Variants in ABCC1 observed in about 807,000 individuals in gnomAD.
ABCC1 encodes ATP binding cassette subfamily C member 1 (ABCC1 blood group).
Under a neutral mutation model 172.9 loss-of-function variants are expected in ABCC1, and 83 were observed. That is an observed-to-expected ratio of 0.48 (90% CI 0.40 to 0.58). ABCC1 has a LOEUF of 0.58. Ranked by LOEUF, ABCC1 falls within the 20% of genes least tolerant of loss-of-function variation. The probability of loss-of-function intolerance (pLI) is 0.00; values close to 1 mark genes in which losing one functional copy is unlikely to be tolerated. For synonymous variants in ABCC1, 937 were observed against 825.2 expected, an observed-to-expected ratio of 1.14 and a Z score of -2.32; for missense variants, 1,817 against 2,002.7, an observed-to-expected ratio of 0.91 and a Z score of 1.77.
At chr16:16,038,967 C>A (rs2048858891) in intron 7 of ABCC1, among the ~76,000 whole-genome samples, 1 of 152,172 alleles carries the variant, frequency 6.6e-6, no homozygotes, top group Non-Finnish European at 1.5e-5. Flanking sequence ...CCTCCACTGG[C>A]CTGGCTCTTA....
chr16:16,032,352 T>C (rs1169014054), intron 5 of ABCC1, among the ~76,000 whole-genome samples: 1 of 152,228 alleles, frequency 6.6e-6, no homozygotes, highest in Non-Finnish European at 1.5e-5. Context: ...AATAAGGTAG[T>C]TTGTGTAAAG....
chr16:16,082,822 A>AT (rs1337599947), intron 16 of ABCC1, among the ~76,000 whole-genome samples: 2 of 151,616 alleles, frequency 1.3e-5, no homozygotes, highest in Admixed American at 6.6e-5. Context: ...TAATTTTTCT[A>AT]TTTTTTTTAG....
chr16:16,104,688 G>C (rs912695311), intron 20 of ABCC1, among the ~76,000 whole-genome samples: 1 of 152,208 alleles, frequency 6.6e-6, no homozygotes, highest in Non-Finnish European at 1.5e-5. Context: ...GCCCTTGGGC[G>C]GTGGAAGGGA....
chr16:16,013,270 G>T (rs371130398), intron 3 of ABCC1, among the ~76,000 whole-genome samples: 2 of 145,798 alleles, frequency 1.4e-5, no homozygotes, highest in Non-Finnish European at 3.0e-5. Flanking sequence ...GCCAGCACAT[G>T]TTTTTTTTTT....
chr16:16,013,562 A>AT (rs10712722), intron 3 of ABCC1, among the ~76,000 whole-genome samples: 131 of 150,012 alleles, frequency 8.7e-4, no homozygotes, highest in South Asian at 5.7e-3. Context: ...CACCTGGCTG[A>AT]TTTTTTTTTT....
intron 1 of ABCC1, among the ~76,000 whole-genome samples, chr16:15,955,204 AAATTAGCC>A (rs1433558634): frequency 6.6e-6 from 1 of 152,074 alleles, no homozygotes; most frequent in Admixed American, 6.6e-5. Flanking sequence ...AAAAATACAA[AAATTAGCC>A]GAGCCTGGTG....
intron 23 of ABCC1, among the ~76,000 whole-genome samples, chr16:16,115,440 C>T (rs1371853721): frequency 1.3e-5 from 2 of 152,072 alleles, no homozygotes; most frequent in Non-Finnish European, 2.9e-5. Flanking sequence ...CTGCAACCTC[C>T]ACCTCCCAGT....
At chr16:16,012,116 A>G (rs748651313) in intron 3 of ABCC1, among the ~76,000 whole-genome samples, 7 of 152,158 alleles carry the variant, frequency 4.6e-5, no homozygotes, top group Non-Finnish European at 1.0e-4. Context: ...CCATGATTCT[A>G]TATAGCACAC....
Position 16,034,023 on chromosome 16 carries a change from C to CTTTTTTTTTTTTTTTT in ABCC1, c.677+860_677+875dup, listed in dbSNP as rs10580146. On this transcript the variant is annotated intron_variant, in intron 6 of 30. Coordinates refer to ENST00000399410, the MANE Select transcript of ABCC1 (RefSeq NM_004996.4). ...TTTTTTTGCCCCTAATAAGCATCAT[C>CTTTTTTTTTTTTTTTT]TTTTTTTTTTTTTTTTTTTTTTGAG... 4.6e-5 allele frequency among the ~76,000 whole-genome samples: 4 copies of CTTTTTTTTTTTTTTTT among 86,830 alleles called. 1 individual carries two copies. The highest frequency in any genetic ancestry group is 6.3e-5 in the Non-Finnish European group (3 of 47,694). The allele number at this position is 86,830 out of a possible 152,430, so 57.0% of individuals were successfully genotyped here.
intron 5 of ABCC1, among the ~76,000 whole-genome samples, chr16:16,026,641 C>A (rs150756598): frequency 6.7e-6 from 1 of 149,038 alleles, no homozygotes; most frequent in Non-Finnish European, 1.5e-5. Context: ...AATTGCTGGG[C>A]GCGGTGGGTC....
In ABCC1 at chr16:16,141,248, C is replaced by G. The variant is rs1472935608; in HGVS notation, c.4563C>G (p.Phe1521Leu). 2.5e-6 allele frequency: 4 copies of G among 1,614,062 alleles called. No individual in the cohort carries two copies. The highest frequency in any genetic ancestry group is 3.3e-4 in the Middle Eastern group (2 of 6,058). ...ACCTCCTGCAGCAGAGAGGTCTTTTCTACAGCATGGCCAAAGACGCCGGCT... is the reference window on the plus strand; with the variant it reads ...ACCTCCTGCAGCAGAGAGGTCTTTTGTACAGCATGGCCAAAGACGCCGGCT... ...PSDLLQQRGL[F>L]YSMAKDAGLV The change falls in exon 31 of 31, where the codon TTC (phenylalanine) becomes TTG (leucine). Residue 1521 changes from phenylalanine to leucine, a missense_variant. Physicochemically the swap from Phe to Leu is conservative, Grantham distance 22. Transcript: ENST00000399410.
At position 16,016,439 on chromosome 16, in the gene ABCC1, C is replaced by T; in HGVS notation, c.490-57C>T. On this transcript the variant is annotated intron_variant, in intron 4 of 30. Transcript: ENST00000399410. ...AAAGTGCTAGGATTACAGGCGTGAG[C>T]CACCACACCCAGCCCCAGAATGTGA... 5.0e-6 allele frequency: 8 copies of T among 1,604,938 alleles called. No homozygotes were observed. The South Asian group carries it at 8.9e-5, about 18-fold the overall frequency.
intron 27 of ABCC1, 135 bp from the exon 28 acceptor site, chr16:16,134,215 G>T: frequency 3.7e-6 from 4 of 1,078,024 alleles, no homozygotes; most frequent in South Asian, 2.8e-5. Flanking sequence ...TGGGCAGCGC[G>T]CAAGGGAGAG....
intron 1 of ABCC1, among the ~76,000 whole-genome samples, chr16:16,004,170 G>A (rs1190411166): frequency 1.3e-5 from 2 of 152,104 alleles, no homozygotes; most frequent in Non-Finnish European, 2.9e-5. Flanking sequence ...AGCACTGGCT[G>A]TAGCGGGGAG....
chr16:15,987,019 C>G (rs961951564), intron 1 of ABCC1, among the ~76,000 whole-genome samples: 3 of 151,926 alleles, frequency 2.0e-5, no homozygotes, highest in Non-Finnish European at 4.4e-5. Flanking sequence ...AGAAAAATTA[C>G]CTGGGTGTGA....
intron 15 of ABCC1, among the ~76,000 whole-genome samples, chr16:16,077,171 AAGGAATCCGCAAAACAC>A (rs2050608333): frequency 6.6e-6 from 1 of 152,170 alleles, no homozygotes; most frequent in African/African-American, 2.4e-5. Flanking sequence ...AGGCCCCCTT[AAGGAATCCGCAAAACAC>A]AGGGGTGATG....
chr16:16,142,499 C>T lies in ABCC1; in HGVS notation c.*1218C>T, dbSNP rs966946901. 7 of 152,232 alleles carry T rather than the reference C, an allele frequency of 4.6e-5. No homozygotes were observed. Among genetic ancestry groups the T allele is most frequent in the Non-Finnish European group, 7.3e-5 (5 of 68,048 alleles). 9.4% of individuals were successfully genotyped at this position (152,232 alleles called of 1,614,324 possible). ...TTTAGATGTTAATTCTCTCCCTTGG[C>T]ATCCGGTTAGCCCCCCAGGGGGGGC... On this transcript the variant is annotated 3_prime_UTR_variant, in exon 31 of 31. Coordinates refer to ENST00000399410, the MANE Select transcript of ABCC1 (RefSeq NM_004996.4).
chr16:16,033,501 T>G (rs1567332105), intron 6 of ABCC1, among the ~76,000 whole-genome samples: 1 of 152,176 alleles, frequency 6.6e-6, no homozygotes, highest in Admixed American at 6.6e-5. Flanking sequence ...TTATTGACAT[T>G]GTCCCCCTCC....
chr16:16,009,714 G>T (rs1191759884), intron 2 of ABCC1, 62 bp from the exon 3 acceptor site: 11 of 1,489,250 alleles, frequency 7.4e-6, no homozygotes, highest in Non-Finnish European at 9.9e-6. Flanking sequence ...AGCTGTTCGT[G>T]CAGGCCCTGG....
Sources: allele counts gnomAD v4.1 joint callset (sites outside exome capture counted in the v4.1 genomes callset), GRCh38; gene constraint gnomAD v4.1.1; transcripts MANE v1.5; gene names NCBI Gene and HGNC (gene_info 2026-07-23, HGNC 2026-07-21).